The following ABCA13 variants were observed in gnomAD, a reference collection of about 807,000 sequenced individuals.
The protein encoded by ABCA13 is ATP binding cassette subfamily A member 13.
A neutral mutation model predicts 478.7 loss-of-function variants in ABCA13; 476 were observed. That is an observed-to-expected ratio of 0.99 (90% CI 0.92 to 1.07). The LOEUF (loss-of-function observed/expected upper bound fraction) is 1.07, where lower values mean the gene tolerates loss of function less well. Among genes scored for constraint, ABCA13 ranks in the 50% least tolerant of loss-of-function variants. ABCA13 has a pLI of 0.00. For synonymous variants in ABCA13, 2,252 were observed against 2,158.9 expected, an observed-to-expected ratio of 1.04 and a Z score of -1.20; for missense variants, 6,060 against 5,910.6, an observed-to-expected ratio of 1.03 and a Z score of -0.83.
In ABCA13 at chr7:48,587,201, C is replaced by G. The variant is rs1170958660; in HGVS notation, c.14553C>G (p.Asp4851Glu). 2.5e-6 allele frequency: 4 copies of G among 1,612,914 alleles called. 1 individual carries two copies. The African/African-American group carries it at 5.3e-5, about 22-fold the overall frequency. Residue 4851 changes from aspartate (D) to glutamate (E), a missense_variant, in exon 57 of 62, where the codon GAC becomes GAG. By Grantham distance (45) the Asp-to-Glu change is conservative. Coordinates refer to ENST00000435803, the MANE Select transcript of ABCA13 (RefSeq NM_152701.5). ...GCTTACACCTCGAAGCCCACGCGGA[C>G]AAACCTGTGGCCACCTACAGTGGGG... ...IRRLHLEAHADKPVATYSGGT... is the reference protein window; with the variant it reads ...IRRLHLEAHAEKPVATYSGGT...
intron 55 of ABCA13, among the ~76,000 whole-genome samples, chr7:48,548,034 T>C (rs1784980775): frequency 6.6e-6 from 1 of 151,948 alleles, no homozygotes; most frequent in African/African-American, 2.4e-5. Flanking sequence ...ATCCACGATG[T>C]CTTTTGTGTC....
intron 38 of ABCA13, among the ~76,000 whole-genome samples, chr7:48,395,195 T>A (rs140061476): frequency 6.6e-6 from 1 of 152,292 alleles, no homozygotes; most frequent in African/African-American, 2.4e-5. Context: ...GAGCACCTGA[T>A]ACGATGGCCG....
At chr7:48,591,701 T>G (rs371499692) in intron 57 of ABCA13, among the ~76,000 whole-genome samples, 2 of 152,024 alleles carry the variant, frequency 1.3e-5, no homozygotes, top group South Asian at 4.1e-4. Flanking sequence ...GTTAAAATTA[T>G]GCCTAAGTAT....
intron 44 of ABCA13, 112 bp from the exon 45 acceptor site, chr7:48,471,418 G>C: frequency 1.1e-6 from 1 of 922,620 alleles, no homozygotes; most frequent in South Asian, 1.5e-5. Flanking sequence ...CTCGGCAGTG[G>C]GAGATGATTA....
At chr7:48,247,883 G>T (rs76417594) in intron 13 of ABCA13, among the ~76,000 whole-genome samples, 1 of 152,106 alleles carries the variant, frequency 6.6e-6, no homozygotes, top group South Asian at 2.1e-4. Context: ...ATGGGTTTAC[G>T]TGAGCCAGAT....
chr7:48,232,276 C>T (rs1403765054), intron 7 of ABCA13, among the ~76,000 whole-genome samples: 5 of 149,852 alleles, frequency 3.3e-5, no homozygotes, highest in African/African-American at 4.9e-5. Flanking sequence ...AGGTGGGGTG[C>T]GAGATGAATA....
intron 42 of ABCA13, among the ~76,000 whole-genome samples, chr7:48,434,771 T>A (rs1822604682): frequency 6.6e-6 from 1 of 151,972 alleles, no homozygotes; most frequent in South Asian, 2.1e-4. Context: ...TGACTTTTTC[T>A]CACTGAATGG....
At chr7:48,255,753 T>C (rs1180465055) in intron 15 of ABCA13, among the ~76,000 whole-genome samples, 1 of 152,212 alleles carries the variant, frequency 6.6e-6, no homozygotes, top group Admixed American at 6.5e-5. Flanking sequence ...CTATTGTGAA[T>C]AGTACTGTGA....
intron 55 of ABCA13, among the ~76,000 whole-genome samples, chr7:48,535,190 C>T (rs1190498472): frequency 6.6e-6 from 1 of 152,070 alleles, no homozygotes; most frequent in Admixed American, 6.6e-5. Flanking sequence ...TTCTTTTGTC[C>T]CACAGGGTGC....
chr7:48,441,097 C>T (rs899698271), intron 42 of ABCA13, among the ~76,000 whole-genome samples: 2 of 152,120 alleles, frequency 1.3e-5, no homozygotes, highest in African/African-American at 4.8e-5. Flanking sequence ...CTACATTTGC[C>T]AATTTTATTA....
chr7:48,645,003 A>G (rs116084585), intron 61 of ABCA13, among the ~76,000 whole-genome samples: 1,569 of 152,280 alleles, frequency 0.01, 25 homozygotes, highest in African/African-American at 0.036. Context: ...AACTAATTAA[A>G]TCATGTCACG....
chr7:48,412,712 T>G lies in ABCA13; in HGVS notation c.12459+129T>G, dbSNP rs979615629. On this transcript the variant is annotated intron_variant, in intron 41 of 61. Coordinates refer to ENST00000435803, the MANE Select transcript of ABCA13 (RefSeq NM_152701.5). The stretch of plus-strand genomic sequence containing the variant: ...AGGAGTGTGCACTTTTATTTACATT[T>G]GATTTCTGATTGGTAGCATACTAGA... 16 of 627,228 alleles carry G rather than the reference T, an allele frequency of 2.6e-5. No homozygotes were observed. In the Admixed American group the frequency reaches 3.7e-4, roughly 14 times the overall value. 38.9% of individuals were successfully genotyped at this position (627,228 alleles called of 1,614,324 possible).
intron 38 of ABCA13, among the ~76,000 whole-genome samples, chr7:48,400,959 G>A (rs1381860788): frequency 2.0e-5 from 3 of 152,242 alleles, no homozygotes; most frequent in African/African-American, 7.2e-5. Context: ...TCTTGGGGAA[G>A]CCCCAGTCCA....
Position 48,646,766 on chromosome 7 carries a change from C to G in ABCA13, c.*1254C>G, listed in dbSNP as rs1439028594. 2.0e-5 allele frequency: 3 copies of G among 152,086 alleles called. No individual in the cohort carries two copies. The highest frequency in any genetic ancestry group is 6.6e-5 in the Admixed American group (1 of 15,266). 9.4% of individuals were successfully genotyped at this position (152,086 alleles called of 1,614,324 possible). On this transcript the variant is annotated 3_prime_UTR_variant, in exon 62 of 62. Transcript: ENST00000435803. ...TATCTCCTGACCTTGTGATCCGCCC[C>G]CCTCCACCTCCCAAAGTGCTGGGAT...
In ABCA13 at chr7:48,320,253, C is replaced by T. The variant is rs190238556; in HGVS notation, c.9999+2957C>T. On this transcript the variant is annotated intron_variant, in intron 27 of 61. Coordinates refer to ENST00000435803, the MANE Select transcript of ABCA13 (RefSeq NM_152701.5). ...AGCTTGTATGAAGTGTTTGCTGCAG[C>T]AACAGGGAGAAAATATATTCGTTAA... is the stretch of plus-strand genomic sequence containing the variant. 2.6e-5 allele frequency among the ~76,000 whole-genome samples: 4 copies of T among 152,298 alleles called. No homozygotes were observed. In the East Asian group the frequency reaches 7.7e-4, roughly 29 times the overall value.
chr7:48,623,622 G>A (rs1793367999), intron 59 of ABCA13, among the ~76,000 whole-genome samples: 2 of 152,196 alleles, frequency 1.3e-5, no homozygotes, highest in African/African-American at 2.4e-5. Context: ...AGTGGCTGCT[G>A]TAGCTCCACC....
Position 48,273,792 on chromosome 7 carries a change from G to A in ABCA13, c.4126G>A (p.Asp1376Asn). The change falls in exon 17 of 62, where the codon GAC (aspartate) becomes AAC (asparagine). Residue 1376 changes from aspartate (D) to asparagine (N), a missense_variant. Asp to Asn is a conservative substitution (Grantham distance 23, BLOSUM62 1). This residue lies in a region of ABCA13 where 4,423 missense variants were observed against 4,309.1 expected (regional missense o/e 1.03). Coordinates refer to ENST00000435803, the MANE Select transcript of ABCA13 (RefSeq NM_152701.5). ...NTSQRMLRIL[D>N]TLNSTFSSEN... ...CTCACAGAGGATGTTACGTATTCTA[G>A]ACACGTTAAATTCCACATTTTCCTC... is the stretch of plus-strand genomic sequence containing the variant. The A allele has an allele frequency of 1.2e-6, 2 of 1,611,218 alleles. No individual in the cohort carries two copies. The highest frequency in any genetic ancestry group is 4.5e-5 in the East Asian group (2 of 44,776).
Position 48,548,234 on chromosome 7 carries a change from G to A in ABCA13, c.14354+19889G>A, listed in dbSNP as rs1266664491. ...TATTTCTATATTCCTATCCCGATAT[G>A]CCACTATAATTAAATCATCTTGGGT... On this transcript the variant is annotated intron_variant, in intron 55 of 61. Coordinates refer to ENST00000435803, the MANE Select transcript of ABCA13 (RefSeq NM_152701.5). Among the ~76,000 whole-genome samples the A allele has an allele frequency of 1.3e-5, 2 of 151,862 alleles. 1 individual carries two copies. The highest frequency in any genetic ancestry group is 2.9e-5 in the Non-Finnish European group (2 of 67,902).
Position 48,297,172 on chromosome 7 carries a change from C to A in ABCA13, c.9120-60C>A. 2.2e-5 allele frequency: 30 copies of A among 1,374,698 alleles called. No homozygotes were observed. The South Asian group carries it at 3.8e-4, about 17-fold the overall frequency. 85.2% of individuals were successfully genotyped at this position (1,374,698 alleles called of 1,614,324 possible). A position where few individuals can be genotyped will look rare whatever the true frequency, so the allele number is the denominator to read the frequency against. ...GGGAGCTGAGGCAGTATTATTCATT[C>A]CAACACTGTTTCTGATGTTTTAGCT... On this transcript the variant is annotated intron_variant, in intron 21 of 61. Coordinates refer to ENST00000435803, the MANE Select transcript of ABCA13 (RefSeq NM_152701.5).
Sources: allele counts gnomAD v4.1 joint callset (sites outside exome capture counted in the v4.1 genomes callset), GRCh38; gene constraint gnomAD v4.1.1; regional missense constraint gnomAD v4.1.1; transcripts MANE v1.5; gene names NCBI Gene and HGNC (gene_info 2026-07-23, HGNC 2026-07-21).